TARM1: variants seen among roughly 807,000 people sequenced by gnomAD.
TARM1 encodes T-cell-interacting, activating receptor on myeloid cells protein 1.
A neutral mutation model predicts 30.4 loss-of-function variants in TARM1; 24 were observed. The observed-to-expected ratio is 0.79, with a 90% CI of 0.57 to 1.11. The LOEUF (loss-of-function observed/expected upper bound fraction) is 1.11, where lower values mean the gene tolerates loss of function less well. Among genes scored for constraint, TARM1 ranks in the 50% least tolerant of loss-of-function variants. The pLI is 0.00. For synonymous variants in TARM1, 129 were observed against 138.9 expected (o/e 0.93, Z 0.50); for missense variants, 323 against 332.8 (o/e 0.97, Z 0.23).
chr19:54,077,806 G>T (rs587615269), intron 1 of TARM1, among the ~76,000 whole-genome samples: 1 of 147,602 alleles, frequency 6.8e-6, no homozygotes, highest in Non-Finnish European at 1.5e-5. Context: ...GCAATGGCGC[G>T]ATCTCGGCTC....
chr19:54,070,249 T>C (rs1439912145), intron 4 of TARM1, 89 bp from the exon 5 acceptor site: 1 of 1,471,196 alleles, frequency 6.8e-7, no homozygotes, highest in Non-Finnish European at 9.0e-7. Context: ...CATCACCCAC[T>C]TAATGTTTTC....
At chr19:54,073,011 C>A (rs1263137393) in intron 4 of TARM1, among the ~76,000 whole-genome samples, 1 of 151,868 alleles carries the variant, frequency 6.6e-6, no homozygotes, top group African/African-American at 2.4e-5. Context: ...AACAAAAAAC[C>A]AAAACGCTAA....
intron 4 of TARM1, among the ~76,000 whole-genome samples, chr19:54,072,961 G>C (rs1330285317): frequency 6.6e-6 from 1 of 152,024 alleles, no homozygotes; most frequent in Admixed American, 6.6e-5. Context: ...CTGGGCAACA[G>C]AGCGAGACTC....
chr19:54,079,125 A>T (rs2072032959), intron 1 of TARM1, among the ~76,000 whole-genome samples: 1 of 148,424 alleles, frequency 6.7e-6, no homozygotes, highest in African/African-American at 2.5e-5. Flanking sequence ...TTAGCCAGGC[A>T]TGGTGGTGAG....
intron 1 of TARM1, among the ~76,000 whole-genome samples, chr19:54,079,461 G>T (rs1481157171): frequency 6.6e-6 from 1 of 152,162 alleles, no homozygotes. Context: ...GTCTGTGAGG[G>T]TGTTTTTAGA....
At chr19:54,080,019 G>GGGAAGGAAGGAAGGAA (rs71195717) in intron 1 of TARM1, among the ~76,000 whole-genome samples, 6,997 of 82,970 alleles carry the variant, frequency 0.084, 503 homozygotes, top group Non-Finnish European at 0.093. Context: ...AGGAAAAGGA[G>GGGAAGGAAGGAAGGAA]GGAAGGAAGG....
At chr19:54,077,739 G>GTTTTT (rs1185350896) in intron 1 of TARM1, among the ~76,000 whole-genome samples, 8 of 117,628 alleles carry the variant, frequency 6.8e-5, no homozygotes, top group South Asian at 2.8e-4. Context: ...CTTTTTCTTC[G>GTTTTT]TTTTTTTTTT....
chr19:54,076,458 G>T, intron 1 of TARM1: 1 of 441,608 alleles, frequency 2.3e-6, no homozygotes, highest in Non-Finnish European at 4.0e-6. Context: ...CGCCTCCCGG[G>T]TTCAAGTGAT....
Position 54,080,140 on chromosome 19 carries a change from A to AAAGCAAGCAAGC in TARM1, c.34+1155_34+1166dup, listed in dbSNP as rs375418750. 2.5e-5 allele frequency among the ~76,000 whole-genome samples: 2 copies of AAAGCAAGCAAGC among 80,218 alleles called. 1 individual carries two copies. The highest frequency in any genetic ancestry group is 5.4e-5 in the Non-Finnish European group (2 of 37,154). 52.6% of individuals were successfully genotyped at this position (80,218 alleles called of 152,430 possible). A position where few individuals can be genotyped will look rare whatever the true frequency, so the allele number is the denominator to read the frequency against. On this transcript the variant is annotated intron_variant, in intron 1 of 4. Coordinates refer to ENST00000432826, the MANE Select transcript of TARM1 (RefSeq NM_001135686.3). The stretch of plus-strand genomic sequence containing the variant: ...GGAAGGAAGGAAGGAAGGAAGGAAG[A>AAAGCAAGCAAGC]AAGCAAGCAAGCAAGCAAGCAAGCA...
chr19:54,074,864 G>T lies in TARM1; in HGVS notation c.321C>A (p.Ile107=). The change falls in exon 3 of 5, where the codon ATC becomes ATA. Residue 107 remains isoleucine, a synonymous_variant. Coordinates refer to ENST00000432826, the MANE Select transcript of TARM1 (RefSeq NM_001135686.3). ...CEYYRKASPH[I]LSQHSDVLLL... Reference sequence around the variant, plus strand: ...GAAGGACGTCACTGTGCTGTGAAAGGATGTGGGGGGATGCTTTTCTGTAGT... The same window carrying T: ...GAAGGACGTCACTGTGCTGTGAAAGTATGTGGGGGGATGCTTTTCTGTAGT... The T allele has an allele frequency of 6.4e-7, 1 of 1,551,610 alleles. No individual in the cohort carries two copies. Among genetic ancestry groups the T allele is most frequent in the Non-Finnish European group, 8.7e-7 (1 of 1,146,974 alleles).
At chr19:54,078,186 T>C (rs1326253915) in intron 1 of TARM1, among the ~76,000 whole-genome samples, 180 of 130,046 alleles carry the variant, frequency 1.4e-3, no homozygotes, top group Middle Eastern at 0.011. Context: ...TTCTTTTTTT[T>C]TTTTTTTTTT....
chr19:54,081,031 A>C (rs2072117938), intron 1 of TARM1, among the ~76,000 whole-genome samples: 2 of 152,150 alleles, frequency 1.3e-5, no homozygotes, highest in Non-Finnish European at 2.9e-5. Context: ...TTTTACTTAC[A>C]CACAAAAAGT....
At chr19:54,078,290 A>G (rs1290127524) in intron 1 of TARM1, among the ~76,000 whole-genome samples, 10 of 138,024 alleles carry the variant, frequency 7.2e-5, no homozygotes, top group Non-Finnish European at 1.5e-4. Flanking sequence ...GGCTCAGGTG[A>G]TCCTCCCACC....
chr19:54,070,120 G>A lies in TARM1; in HGVS notation c.699C>T (p.Asn233=). 6.4e-7 allele frequency: 1 copy of A among 1,551,674 alleles called. No homozygotes were observed. Among genetic ancestry groups the A allele is most frequent in the African/African-American group, 1.4e-5 (1 of 73,160 alleles). ...GTTSSNYSLG[N]FVRLGLAAVI... ...CGGCAGCCAGACCCAGTCGTACGAA[G>A]TTACCCAGGGAGTAGTTGCTCGATG... Residue 233 remains asparagine (N), a synonymous_variant, in exon 5 of 5, where the codon AAC becomes AAT. Transcript: ENST00000432826.
intron 4 of TARM1, among the ~76,000 whole-genome samples, chr19:54,071,098 C>A (rs1327986089): frequency 5.9e-5 from 9 of 151,670 alleles, no homozygotes; most frequent in Non-Finnish European, 1.3e-4. Flanking sequence ...GCTAGGATTA[C>A]AGGCACCTAC....
At position 54,074,072 on chromosome 19, in the gene TARM1, A is replaced by T; in HGVS notation, c.506T>A (p.Ile169Asn). Residue 169 changes from isoleucine (I) to asparagine (N), a missense_variant, in exon 4 of 5, where the codon ATC (isoleucine) becomes AAC (asparagine). Ile to Asn is a moderately radical substitution (Grantham distance 149, BLOSUM62 -3). Transcript: ENST00000432826. ...ALLKAGTPSP[I>N]QLQSPAGKEI... ...CTTCCCCGCTGGACTCTGCAGCTGG[A>T]TGGGTGATGGCGTCCCTGCCTTCAG... 1.3e-6 allele frequency: 2 copies of T among 1,551,662 alleles called. No individual in the cohort carries two copies. The highest frequency in any genetic ancestry group is 1.7e-6 in the Non-Finnish European group (2 of 1,146,994).
intron 1 of TARM1, among the ~76,000 whole-genome samples, chr19:54,079,156 C>T (rs1052269701): frequency 5.5e-5 from 8 of 145,768 alleles, no homozygotes; most frequent in African/African-American, 1.5e-4. Context: ...CCCAGCTACT[C>T]GGGAGGGAGA....
In TARM1 at chr19:54,080,390, G is replaced by A. The variant is rs767844820; in HGVS notation, c.34+917C>T. Among the ~76,000 whole-genome samples, 260 of 147,336 alleles carry A rather than the reference G, an allele frequency of 1.8e-3. 1 individual carries two copies. Among genetic ancestry groups the A allele is most frequent in the South Asian group, 3.9e-3 (18 of 4,632 alleles). On this transcript the variant is annotated intron_variant, in intron 1 of 4. Transcript: ENST00000432826. ...GGAGAATGGCGTGAACCCGGGAGGC[G>A]GAGCTTGCAGTGAGCAGAGATCGCA...
intron 1 of TARM1, chr19:54,076,588 C>A (rs587756916): frequency 1.1e-4 from 20 of 182,180 alleles, no homozygotes; most frequent in African/African-American, 4.4e-4. Flanking sequence ...GTCTCGAACT[C>A]CTGACCTCAG....
Sources: allele counts gnomAD v4.1 joint callset (sites outside exome capture counted in the v4.1 genomes callset), GRCh38; gene constraint gnomAD v4.1.1; transcripts MANE v1.5; gene names NCBI Gene and HGNC (gene_info 2026-07-23, HGNC 2026-07-21).